VWA8: variants seen among roughly 807,000 people sequenced by gnomAD.
The protein encoded by VWA8 is von Willebrand factor A domain containing 8, also known as von Willebrand factor A domain-containing protein 8.
A neutral mutation model predicts 241.5 loss-of-function variants in VWA8; 221 were observed. The observed-to-expected ratio is 0.91, with a 90% CI of 0.82 to 1.02. The LOEUF is 1.02. Ranked by LOEUF, VWA8 falls within the 50% of genes least tolerant of loss-of-function variation. The pLI, the probability that VWA8 is intolerant of heterozygous loss-of-function variation, is 0.00. For synonymous variants in VWA8, 852 were observed against 827.1 expected, an observed-to-expected ratio of 1.03 and a Z score of -0.52; for missense variants, 2,322 against 2,328.7, an observed-to-expected ratio of 1.00 and a Z score of 0.06.
chr13:41,602,912 A>G (rs1353423382), intron 40 of VWA8, among the ~76,000 whole-genome samples: 8 of 152,130 alleles, frequency 5.3e-5, no homozygotes, highest in Non-Finnish European at 1.2e-4. Context: ...AAAGATTTCT[A>G]AAGACGGAAG....
chr13:41,666,736 G>A (rs2044989027), intron 37 of VWA8, among the ~76,000 whole-genome samples: 2 of 151,934 alleles, frequency 1.3e-5, no homozygotes, highest in South Asian at 4.2e-4. Context: ...AATTTTCATG[G>A]CTGGGACTTC....
At chr13:41,694,578 T>G (rs116589477) in intron 29 of VWA8, among the ~76,000 whole-genome samples, 17 of 152,084 alleles carry the variant, frequency 1.1e-4, no homozygotes. Context: ...GTTAAAAATT[T>G]ATAATCTCTA....
chr13:41,920,149 T>C (rs1196910735), intron 2 of VWA8, among the ~76,000 whole-genome samples: 2 of 152,132 alleles, frequency 1.3e-5, no homozygotes, highest in Admixed American at 1.3e-4. Flanking sequence ...AGTGTCACCA[T>C]CCCAGCATCA....
At chr13:41,788,238 A>G (rs1331079651) in intron 17 of VWA8, among the ~76,000 whole-genome samples, 2 of 152,190 alleles carry the variant, frequency 1.3e-5, no homozygotes, top group Non-Finnish European at 2.9e-5. Flanking sequence ...TGGTTTAACT[A>G]TACCACTTTA....
chr13:41,589,580 T>G (rs1268686238), intron 41 of VWA8, among the ~76,000 whole-genome samples: 1 of 152,094 alleles, frequency 6.6e-6, no homozygotes, highest in African/African-American at 2.4e-5. Flanking sequence ...TCACTGACCT[T>G]CCTCCCTCTC....
intron 2 of VWA8, among the ~76,000 whole-genome samples, chr13:41,924,207 T>C (rs1876712760): frequency 6.6e-6 from 1 of 151,862 alleles, no homozygotes; most frequent in Admixed American, 6.6e-5. Flanking sequence ...AGCAGATAGA[T>C]ATCATAAAAA....
chr13:41,812,599 C>T (rs1186375974), intron 16 of VWA8, among the ~76,000 whole-genome samples: 2 of 152,076 alleles, frequency 1.3e-5, no homozygotes, highest in African/African-American at 2.4e-5. Context: ...AGGTCATCTC[C>T]GTATGTCCCA....
chr13:41,768,807 T>G (rs894610979), intron 20 of VWA8, among the ~76,000 whole-genome samples: 4 of 152,108 alleles, frequency 2.6e-5, no homozygotes, highest in African/African-American at 9.7e-5. Context: ...GGTACATCTT[T>G]CCTCTTTCAA....
rs1874454129 is a variant in VWA8, at chr13:41,885,018, TA to T, written c.975+901del. 4.6e-5 allele frequency among the ~76,000 whole-genome samples: 7 copies of T among 152,312 alleles called. No individual in the cohort carries two copies. In the South Asian group the frequency reaches 1.5e-3, roughly 32 times the overall value. ...TCCTCCACAGGGTCTCACTGAGTGT[TA>T]CAAAAGCTTCCTAGTCATTCCCTCA... On this transcript the variant is annotated intron_variant, in intron 8 of 44. Transcript: ENST00000379310.
chr13:41,800,615 C>T (rs530788449), intron 17 of VWA8, among the ~76,000 whole-genome samples: 9 of 132,702 alleles, frequency 6.8e-5, no homozygotes, highest in Admixed American at 3.4e-4. Context: ...AGTGAAACAC[C>T]GTCTCTACTA....
chr13:41,898,776 G>A (rs1487932530), intron 4 of VWA8, among the ~76,000 whole-genome samples: 1 of 143,554 alleles, frequency 7.0e-6, no homozygotes, highest in African/African-American at 2.6e-5. Context: ...CCGGTGGGCT[G>A]GCACTGCTGG....
chr13:41,788,652 C>A (rs1869316268), intron 17 of VWA8, among the ~76,000 whole-genome samples: 1 of 152,168 alleles, frequency 6.6e-6, no homozygotes, highest in Non-Finnish European at 1.5e-5. Context: ...CTCACCTTAT[C>A]TCCCAGTCCA....
intron 5 of VWA8, among the ~76,000 whole-genome samples, chr13:41,887,706 C>T (rs1017558810): frequency 5.3e-5 from 8 of 152,174 alleles, no homozygotes; most frequent in Admixed American, 3.9e-4. Context: ...TAGTCCCCGA[C>T]GGGCAGATCA....
intron 20 of VWA8, among the ~76,000 whole-genome samples, chr13:41,762,599 A>T (rs529543662): frequency 5.8e-4 from 89 of 152,260 alleles, no homozygotes; most frequent in African/African-American, 2.0e-3. Flanking sequence ...TAAAGAAATA[A>T]TTAGGTAGAC....
At chr13:41,680,475 C>T (rs747408128) in intron 35 of VWA8, among the ~76,000 whole-genome samples, 5 of 152,034 alleles carry the variant, frequency 3.3e-5, no homozygotes, top group Non-Finnish European at 7.4e-5. Context: ...GTCCTAAGCA[C>T]TTTATATATG....
At chr13:41,872,201 T>A (rs550633334) in intron 9 of VWA8, among the ~76,000 whole-genome samples, 1 of 152,360 alleles carries the variant, frequency 6.6e-6, no homozygotes, top group Non-Finnish European at 1.5e-5. Context: ...AGATTCTGGA[T>A]ATTAGCCCTT....
intron 29 of VWA8, among the ~76,000 whole-genome samples, chr13:41,693,712 A>G (rs1017506911): frequency 3.9e-5 from 6 of 152,082 alleles, no homozygotes; most frequent in Non-Finnish European, 8.8e-5. Context: ...ATGTGTTGAA[A>G]TAAATGAACT....
intron 40 of VWA8, among the ~76,000 whole-genome samples, chr13:41,600,066 C>T (rs531235828): frequency 6.6e-6 from 1 of 152,234 alleles, no homozygotes; most frequent in East Asian, 1.9e-4. Flanking sequence ...ATTCTGTTAG[C>T]TCTCATGCAG....
chr13:41,729,655 T>C lies in VWA8; in HGVS notation c.2525A>G (p.His842Arg), dbSNP rs752164725. 1.2e-6 allele frequency: 2 copies of C among 1,612,320 alleles called. No individual in the cohort carries two copies. Among genetic ancestry groups the C allele is most frequent in the Admixed American group, 3.4e-5 (2 of 59,700 alleles). Residue 842 changes from histidine to arginine, a missense_variant, in exon 23 of 45, where the codon CAT becomes CGT. Physicochemically the swap from His to Arg is conservative, Grantham distance 29. Coordinates refer to ENST00000379310, the MANE Select transcript of VWA8 (RefSeq NM_015058.2). ...SPLVKAVKLGHILVVDEADKA... is the reference protein window; with the variant it reads ...SPLVKAVKLGRILVVDEADKA... Reference sequence around the variant, plus strand: ...GTCAGCCTCATCTACTACCAGAATATGACCCAACTTTACTGCTTTAACCTT... The same window carrying C: ...GTCAGCCTCATCTACTACCAGAATACGACCCAACTTTACTGCTTTAACCTT...
Sources: allele counts gnomAD v4.1 joint callset (sites outside exome capture counted in the v4.1 genomes callset), GRCh38; gene constraint gnomAD v4.1.1; transcripts MANE v1.5; gene names NCBI Gene and HGNC (gene_info 2026-07-23, HGNC 2026-07-21).